Variants in EFHC2 observed in about 807,000 individuals in gnomAD.
EFHC2 encodes the protein EF-hand domain-containing family member C2.
A neutral mutation model predicts 52.7 loss-of-function variants in EFHC2; 18 were observed. The observed-to-expected ratio is 0.34, with a 90% CI of 0.24 to 0.51. EFHC2 has a LOEUF of 0.51. Among genes scored for constraint, EFHC2 ranks in the 20% least tolerant of loss-of-function variants. The pLI is 0.97. For synonymous variants in EFHC2, 203 were observed against 204.1 expected (o/e 0.99, Z 0.04); for missense variants, 513 against 562.5 (o/e 0.91, Z 0.89).
intron 1 of EFHC2, among the ~76,000 whole-genome samples, chrX:44,342,701 A>AC (rs950575235): frequency 1.8e-5 from 2 of 109,124 alleles, no homozygotes; most frequent in African/African-American, 6.7e-5. Flanking sequence ...ACATGGTGAA[A>AC]CCCCATCTTT....
At chrX:44,195,226 G>A (rs1003747146) in intron 11 of EFHC2, among the ~76,000 whole-genome samples, 2 of 111,258 alleles carry the variant, frequency 1.8e-5, no homozygotes, top group African/African-American at 6.5e-5. Context: ...GGCCTCAAGA[G>A]GTCTTCTTGT....
chrX:44,190,819 G>A (rs1040425929), intron 11 of EFHC2, among the ~76,000 whole-genome samples: 16 of 110,674 alleles, frequency 1.4e-4, no homozygotes, highest in African/African-American at 4.9e-4. Context: ...CACATGAGGT[G>A]AGCTGGCATG....
chrX:44,335,515 G>A (rs2038111550), intron 1 of EFHC2, among the ~76,000 whole-genome samples: 1 of 111,032 alleles, frequency 9.0e-6, no homozygotes, highest in Admixed American at 9.6e-5. Flanking sequence ...ATACATTCCT[G>A]GTGGGATATA....
chrX:44,182,899 T>C (rs769093117), intron 11 of EFHC2, among the ~76,000 whole-genome samples: 2 of 111,372 alleles, frequency 1.8e-5, no homozygotes, highest in African/African-American at 6.5e-5. Context: ...CTCTTGACTT[T>C]AGTAACTAAA....
intron 1 of EFHC2, among the ~76,000 whole-genome samples, chrX:44,329,775 A>G (rs2038074928): frequency 9.2e-6 from 1 of 108,354 alleles, no homozygotes. Flanking sequence ...GCTTTTTTGT[A>G]TTATTATTTT....
intron 11 of EFHC2, among the ~76,000 whole-genome samples, chrX:44,221,743 T>C (rs1009993228): frequency 9.0e-6 from 1 of 111,704 alleles, no homozygotes; most frequent in African/African-American, 3.2e-5. Flanking sequence ...TTTGGAAAAT[T>C]AGAATTTTCA....
chrX:44,258,721 G>A (rs2037513142), intron 4 of EFHC2, among the ~76,000 whole-genome samples: 2 of 110,226 alleles, frequency 1.8e-5, no homozygotes, highest in African/African-American at 6.6e-5. Flanking sequence ...GCCGGGTGTG[G>A]TGGCAGGCCT....
At chrX:44,292,830 C>T (rs1460341176) in intron 2 of EFHC2, among the ~76,000 whole-genome samples, 1 of 110,356 alleles carries the variant, frequency 9.1e-6, no homozygotes, top group African/African-American at 3.3e-5. Flanking sequence ...GCCTCACTCC[C>T]CCTTTGCCTT....
intron 7 of EFHC2, among the ~76,000 whole-genome samples, chrX:44,243,881 C>T (rs905961456): frequency 3.6e-5 from 4 of 112,049 alleles, no homozygotes; most frequent in Admixed American, 9.5e-5. Flanking sequence ...CTAACCATTA[C>T]ATCTAACACA....
At position 44,148,611 on chromosome X, in the gene EFHC2, C is replaced by T. The variant is rs763841814; in HGVS notation, c.*184G>A. On this transcript the variant is annotated 3_prime_UTR_variant, in exon 15 of 15. Coordinates refer to ENST00000420999, the MANE Select transcript of EFHC2 (RefSeq NM_025184.4). ...GATGGCATTTTAAATAGTAACAGTA[C>T]GTCGGCAATGTAACATGATGTTCTG... The T allele has an allele frequency of 9.2e-5, 36 of 392,543 alleles. No homozygotes were observed. In the South Asian group the frequency reaches 1.6e-3, roughly 18 times the overall value. 32.3% of individuals were successfully genotyped at this position (392,543 alleles called of 1,213,427 possible). A position where few individuals can be genotyped will look rare whatever the true frequency, so the allele number is the denominator to read the frequency against.
chrX:44,273,274 G>A (rs1457564702), intron 2 of EFHC2, among the ~76,000 whole-genome samples: 3 of 112,374 alleles, frequency 2.7e-5, no homozygotes, highest in East Asian at 5.6e-4. Flanking sequence ...TGTTAGTCCT[G>A]ATGATTGCTT....
chrX:44,148,900 G>A lies in EFHC2; in HGVS notation c.2149-4C>T. On this transcript the variant is annotated splice_region_variant and splice_polypyrimidine_tract_variant and intron_variant, in intron 14 of 14. Coordinates refer to ENST00000420999, the MANE Select transcript of EFHC2 (RefSeq NM_025184.4). The stretch of plus-strand genomic sequence containing the variant: ...CAAGCCAAACATCTTCACATCTCTA[G>A]AAAAAAACCAAAAATGGATATGATT... The A allele has an allele frequency of 8.6e-7, 1 of 1,159,688 alleles. No homozygotes were observed. The highest frequency in any genetic ancestry group is 1.2e-6 in the Non-Finnish European group (1 of 865,358).
At chrX:44,177,740 T>C (rs1375963731) in intron 12 of EFHC2, among the ~76,000 whole-genome samples, 1 of 111,290 alleles carries the variant, frequency 9.0e-6, no homozygotes, top group Admixed American at 9.6e-5. Flanking sequence ...ATTATAAAAG[T>C]TACATTTATA....
At chrX:44,319,002 CTT>C (rs561439134) in intron 1 of EFHC2, among the ~76,000 whole-genome samples, 13 of 91,302 alleles carry the variant, frequency 1.4e-4, no homozygotes, top group Admixed American at 1.2e-4. Flanking sequence ...AGGCAAAAGA[CTT>C]TTTTTTTTTT....
chrX:44,240,595 C>T (rs771037982), intron 8 of EFHC2, among the ~76,000 whole-genome samples: 13 of 112,104 alleles, frequency 1.2e-4, no homozygotes, highest in Non-Finnish European at 2.3e-4. Context: ...AGCAGTTAGC[C>T]ATCAAAAGTC....
chrX:44,149,311 A>T (rs2036550819), intron 14 of EFHC2, among the ~76,000 whole-genome samples: 1 of 111,561 alleles, frequency 9.0e-6, no homozygotes, highest in Admixed American at 9.5e-5. Context: ...TCTTAGAATG[A>T]CCAAGGTGGA....
intron 11 of EFHC2, among the ~76,000 whole-genome samples, chrX:44,211,086 CA>C (rs1002165413): frequency 5.4e-5 from 6 of 111,647 alleles, no homozygotes; most frequent in African/African-American, 2.0e-4. Context: ...TAGGGAAATG[CA>C]AATCAAAATC....
chrX:44,316,087 C>CCATAAT (rs2037981243), intron 1 of EFHC2, among the ~76,000 whole-genome samples: 1 of 111,509 alleles, frequency 9.0e-6, no homozygotes, highest in African/African-American at 3.3e-5. Flanking sequence ...ATCTAGGTTT[C>CCATAAT]CATAATCACA....
At chrX:44,152,725 TACACACACACACACAC>T (rs3037406) in intron 14 of EFHC2, among the ~76,000 whole-genome samples, 2 of 99,413 alleles carry the variant, frequency 2.0e-5, no homozygotes, top group African/African-American at 7.4e-5. Context: ...AGTAAACCAT[TACACACACACACACAC>T]ACACACACAC....
Sources: gnomAD v4.1 joint callset for allele counts (sites outside exome capture counted in the v4.1 genomes callset) on GRCh38, gnomAD v4.1.1 for gene constraint, MANE v1.5 for transcripts, NCBI Gene and HGNC (gene_info 2026-07-23, HGNC 2026-07-21) for gene names.